The following ABHD3 variants were observed in gnomAD, a reference collection of about 807,000 sequenced individuals.
The protein encoded by ABHD3 is phospholipase ABHD3.
A neutral mutation model predicts 48.8 loss-of-function variants in ABHD3; 46 were observed. The ratio of observed to expected loss-of-function variants is 0.94; its 90% CI spans 0.74 to 1.20. The LOEUF (loss-of-function observed/expected upper bound fraction) is 1.20, where lower values mean the gene tolerates loss of function less well. Ranked by LOEUF, ABHD3 falls within the 50% of genes most tolerant of loss-of-function variation. ABHD3 has a pLI of 0.00. For synonymous variants in ABHD3, 192 were observed against 183.7 expected (o/e 1.04, Z -0.36); for missense variants, 490 against 497.8 (o/e 0.98, Z 0.15).
At chr18:21,683,374 C>T (rs2040051239) in intron 4 of ABHD3, 1 of 257,898 alleles carries the variant, frequency 3.9e-6, no homozygotes. Context: ...ACATTCCCAC[C>T]ATGTAAACTT....
intron 6 of ABHD3, 55 bp from the exon 7 acceptor site, chr18:21,657,207 C>G: frequency 6.6e-7 from 1 of 1,505,800 alleles, no homozygotes; most frequent in South Asian, 1.3e-5. Flanking sequence ...CTCCATCATA[C>G]TAAAAGGACT....
At chr18:21,697,735 A>C (rs764979106) in intron 3 of ABHD3, among the ~76,000 whole-genome samples, 3 of 152,180 alleles carry the variant, frequency 2.0e-5, no homozygotes, top group Non-Finnish European at 4.4e-5. Flanking sequence ...AATTATCTTA[A>C]ACAAACTTAA....
chr18:21,700,827 C>CAAAAAAAA lies in ABHD3; in HGVS notation c.509+1481_509+1488dup, dbSNP rs375239917. Among the ~76,000 whole-genome samples, 168 of 94,348 alleles carry CAAAAAAAA rather than the reference C, an allele frequency of 1.8e-3. 3 individuals are homozygous for CAAAAAAAA. Among genetic ancestry groups the CAAAAAAAA allele is most frequent in the African/African-American group, 5.4e-3 (154 of 28,642 alleles). 61.9% of individuals were successfully genotyped at this position (94,348 alleles called of 152,430 possible). On this transcript the variant is annotated intron_variant, in intron 3 of 8. Transcript: ENST00000289119. ...TTTCTGAGCATGACTAAGTTTTAGC[C>CAAAAAAAA]AAAAAAAAAAAAAAAAAAAAAATGG...
intron 4 of ABHD3, among the ~76,000 whole-genome samples, chr18:21,680,608 A>G (rs2039982385): frequency 6.6e-6 from 1 of 152,152 alleles, no homozygotes; most frequent in Non-Finnish European, 1.5e-5. Flanking sequence ...AATTTAACTG[A>G]CACACTGTGT....
intron 6 of ABHD3, among the ~76,000 whole-genome samples, chr18:21,658,845 T>G (rs988861523): frequency 2.0e-5 from 3 of 151,288 alleles, no homozygotes; most frequent in Non-Finnish European, 4.4e-5. Flanking sequence ...ATAGTTTTTT[T>G]TTTTTTTTTT....
chr18:21,691,925 T>A (rs538738608), intron 3 of ABHD3, among the ~76,000 whole-genome samples: 3 of 152,226 alleles, frequency 2.0e-5, no homozygotes, highest in African/African-American at 7.2e-5. Flanking sequence ...AGAAATCATA[T>A]GTTTATCTGT....
At chr18:21,672,021 T>C (rs1298712105) in intron 4 of ABHD3, among the ~76,000 whole-genome samples, 1 of 152,190 alleles carries the variant, frequency 6.6e-6, no homozygotes, top group African/African-American at 2.4e-5. Flanking sequence ...CTATTATTCA[T>C]ATATAATAGA....
chr18:21,661,086 G>GA (rs1163534163), intron 5 of ABHD3, among the ~76,000 whole-genome samples: 8 of 9,084 alleles, frequency 8.8e-4, no homozygotes, highest in South Asian at 2.9e-3. Flanking sequence ...CTCACCAAAA[G>GA]AAAAAAACTA....
rs760353226 is a variant in ABHD3, at chr18:21,665,771, C to T, written c.556-1541G>A. Among the ~76,000 whole-genome samples the T allele has an allele frequency of 3.3e-5, 5 of 150,034 alleles. No individual in the cohort carries two copies. The East Asian group carries it at 1.0e-3, about 30-fold the overall frequency. On this transcript the variant is annotated intron_variant, in intron 4 of 8. Transcript: ENST00000289119. ...AGCTTGCAGTGAGCTGAGATCACGC[C>T]ACTGCACTCCAGTCTGGGTGACAGA...
In ABHD3 at chr18:21,704,743, A is replaced by AGAGCGGGCGAGAGCGGG; in HGVS notation, c.-79_-78insCCCGCTCTCGCCCGCTC. 2 of 959,468 alleles carry AGAGCGGGCGAGAGCGGG rather than the reference A, an allele frequency of 2.1e-6. No homozygotes were observed. Among genetic ancestry groups the AGAGCGGGCGAGAGCGGG allele is most frequent in the African/African-American group, 9.7e-5 (2 of 20,664 alleles). The allele number at this position is 959,468 out of a possible 1,614,324, so 59.4% of individuals were successfully genotyped here. A position where few individuals can be genotyped will look rare whatever the true frequency, so the allele number is the denominator to read the frequency against. On this transcript the variant is annotated 5_prime_UTR_variant, in exon 1 of 9. Transcript: ENST00000289119. The stretch of plus-strand genomic sequence containing the variant: ...AGCGGGCGAGAGCGGGCGAGAGCGG[A>AGAGCGGGCGAGAGCGGG]CGCGGCGCCGCTGCCTACTCCCGAC...
chr18:21,690,102 G>T (rs1180084620), intron 3 of ABHD3, among the ~76,000 whole-genome samples: 2 of 151,270 alleles, frequency 1.3e-5, no homozygotes, highest in African/African-American at 2.4e-5. Flanking sequence ...GTGGTGGGGT[G>T]GGGGAGCTTG....
intron 4 of ABHD3, among the ~76,000 whole-genome samples, chr18:21,665,754 G>A (rs2039608646): frequency 6.6e-6 from 1 of 151,422 alleles, no homozygotes; most frequent in African/African-American, 2.4e-5. Context: ...GGAGCTTGCA[G>A]TGAGCTGAGA....
chr18:21,652,848 A>T (rs754162500), intron 8 of ABHD3, among the ~76,000 whole-genome samples: 9 of 149,982 alleles, frequency 6.0e-5, no homozygotes, highest in Non-Finnish European at 1.3e-4. Context: ...AGGTTAGGAG[A>T]TCAAGACCAT....
At chr18:21,678,495 A>T (rs750480243) in intron 4 of ABHD3, among the ~76,000 whole-genome samples, 10 of 152,154 alleles carry the variant, frequency 6.6e-5, no homozygotes, top group Admixed American at 2.0e-4. Context: ...AACTAAAAAT[A>T]GCTTTCTGTG....
Position 21,651,532 on chromosome 18 carries a change from C to T in ABHD3, c.*59G>A, listed in dbSNP as rs1236329018. ...ATATACAACAGTTAAAATTTGTGCA[C>T]TAAGCTGAGCTGCCTTCACAATTGT... On this transcript the variant is annotated 3_prime_UTR_variant, in exon 9 of 9. Transcript: ENST00000289119. 1 of 1,599,290 alleles carries T rather than the reference C, an allele frequency of 6.3e-7. No homozygotes were observed. The highest frequency in any genetic ancestry group is 1.3e-5 in the African/African-American group (1 of 74,500).
Position 21,656,597 on chromosome 18 carries a change from T to C in ABHD3, c.1057+264A>G, listed in dbSNP as rs183785204. 1.4e-4 allele frequency among the ~76,000 whole-genome samples: 21 copies of C among 152,280 alleles called. No homozygotes were observed. In the East Asian group the frequency reaches 3.9e-3, roughly 28 times the overall value. On this transcript the variant is annotated intron_variant, in intron 8 of 8. Transcript: ENST00000289119. ...GTAACATAATCTGTCCAAAGAACAG[T>C]GTATTTGGTAAGAAGGAAAGGTTAT...
chr18:21,683,526 G>A (rs756484182), intron 4 of ABHD3: 2 of 512,640 alleles, frequency 3.9e-6, no homozygotes, highest in Admixed American at 2.1e-5. Context: ...TTAAAAATGA[G>A]GCCTTCTCTT....
intron 8 of ABHD3, among the ~76,000 whole-genome samples, chr18:21,652,276 T>C (rs923286500): frequency 2.0e-5 from 3 of 151,606 alleles, no homozygotes; most frequent in Non-Finnish European, 2.9e-5. Context: ...GAGGATCACT[T>C]GAGCTCAGGA....
At chr18:21,663,454 T>C (rs1265763963) in intron 5 of ABHD3, among the ~76,000 whole-genome samples, 1 of 150,276 alleles carries the variant, frequency 6.7e-6, no homozygotes, top group Non-Finnish European at 1.5e-5. Flanking sequence ...TCACCATCAC[T>C]AGAACAACCA....
Sources: allele counts gnomAD v4.1 joint callset (sites outside exome capture counted in the v4.1 genomes callset), GRCh38; gene constraint gnomAD v4.1.1; transcripts MANE v1.5; gene names NCBI Gene and HGNC (gene_info 2026-07-23, HGNC 2026-07-21).